Variants in PPFIBP2 observed in about 807,000 individuals in gnomAD.
PPFIBP2 encodes the protein PPFIB scaffold protein 2, also known as liprin-beta-2.
A neutral mutation model predicts 118.3 loss-of-function variants in PPFIBP2; 118 were observed. The ratio of observed to expected loss-of-function variants is 1.00; its 90% CI spans 0.86 to 1.16. The LOEUF (loss-of-function observed/expected upper bound fraction) is 1.16. PPFIBP2 is among the 50% of genes most tolerant of loss of function. The probability of loss-of-function intolerance (pLI) is 0.00; values close to 1 mark genes in which losing one functional copy is unlikely to be tolerated. For missense variants in PPFIBP2, 1,195 were observed against 1,073.1 expected (o/e 1.11, Z -1.59); for synonymous variants, 414 against 397.4 (o/e 1.04, Z -0.50).
At chr11:7,565,360 T>C (rs1462371139) in intron 2 of PPFIBP2, among the ~76,000 whole-genome samples, 193 bp from the exon 3 acceptor site, 3 of 152,202 alleles carry the variant, frequency 2.0e-5, no homozygotes. Flanking sequence ...AGCCTGGAAC[T>C]CCTAGACTCA....
chr11:7,549,609 C>CCTTTT, intron 2 of PPFIBP2, 70 bp downstream of exon 2: 1 of 1,142,968 alleles, frequency 8.7e-7, no homozygotes, highest in Non-Finnish European at 1.2e-6. Context: ...TCTCCTTTTA[C>CCTTTT]TTTTTTTTTT....
intron 7 of PPFIBP2, among the ~76,000 whole-genome samples, chr11:7,623,339 T>C (rs1046142650): frequency 2.0e-5 from 3 of 152,178 alleles, no homozygotes; most frequent in African/African-American, 7.2e-5. Flanking sequence ...CCTGTCTGCA[T>C]AGCTATCTCA....
In PPFIBP2 at chr11:7,607,498, G is replaced by A. The variant is rs1477618688; in HGVS notation, c.487-2793G>A. Reference sequence around the variant, plus strand: ...CAGCCTCCCAAAGTGCTAGGCATGAGCCACTGTGCCCAGGCTGAGCATCAC... The same window carrying A: ...CAGCCTCCCAAAGTGCTAGGCATGAACCACTGTGCCCAGGCTGAGCATCAC... On this transcript the variant is annotated intron_variant, in intron 5 of 23. Transcript: ENST00000299492. Among the ~76,000 whole-genome samples, 9 of 152,268 alleles carry A rather than the reference G, an allele frequency of 5.9e-5. No individual in the cohort carries two copies. The East Asian group carries it at 1.7e-3, about 29-fold the overall frequency.
intron 3 of PPFIBP2, among the ~76,000 whole-genome samples, chr11:7,575,954 C>G (rs1856264988): frequency 6.6e-6 from 1 of 152,180 alleles, no homozygotes. Context: ...GGAATTTACT[C>G]CTCCCCTTAT....
intron 6 of PPFIBP2, among the ~76,000 whole-genome samples, chr11:7,617,472 C>T (rs556513883): frequency 6.6e-6 from 1 of 152,090 alleles, no homozygotes; most frequent in Non-Finnish European, 1.5e-5. Flanking sequence ...GCTCAGTGAC[C>T]CTCACTGAGC....
At chr11:7,644,753 C>T (rs113138096) in intron 17 of PPFIBP2, among the ~76,000 whole-genome samples, 15 of 152,104 alleles carry the variant, frequency 9.9e-5, no homozygotes, top group African/African-American at 2.7e-4. Context: ...TTAGGCCGGG[C>T]GCGGTGGCTC....
chr11:7,635,357 T>A (rs1851317334), intron 13 of PPFIBP2, among the ~76,000 whole-genome samples, 195 bp from the exon 14 acceptor site: 1 of 152,218 alleles, frequency 6.6e-6, no homozygotes, highest in Admixed American at 6.5e-5. Context: ...TGCTGGCAGC[T>A]GCCCAGGACA....
chr11:7,574,448 A>C (rs562495707), intron 3 of PPFIBP2, among the ~76,000 whole-genome samples: 7 of 152,318 alleles, frequency 4.6e-5, no homozygotes, highest in African/African-American at 1.4e-4. Flanking sequence ...CGGCCAATTA[A>C]AAGCTGGGCT....
At chr11:7,622,817 C>T (rs1029560691) in intron 7 of PPFIBP2, among the ~76,000 whole-genome samples, 4 of 152,220 alleles carry the variant, frequency 2.6e-5, no homozygotes, top group African/African-American at 7.2e-5. Flanking sequence ...CAAACAAGCC[C>T]TGTCTTGGGG....
At chr11:7,633,072 A>G in intron 12 of PPFIBP2, 138 bp downstream of exon 12, 1 of 740,126 alleles carries the variant, frequency 1.4e-6, no homozygotes, top group Non-Finnish European at 2.3e-6. Flanking sequence ...TTGTTAGGGC[A>G]GTTACAAACC....
chr11:7,590,624 A>G (rs113033448), intron 3 of PPFIBP2, among the ~76,000 whole-genome samples: 2 of 152,262 alleles, frequency 1.3e-5, no homozygotes, highest in African/African-American at 2.4e-5. Context: ...AACATTTTGT[A>G]AGAAACTCAA....
intron 3 of PPFIBP2, among the ~76,000 whole-genome samples, chr11:7,569,627 C>A (rs2134780188): frequency 6.6e-6 from 1 of 152,264 alleles, no homozygotes; most frequent in South Asian, 2.1e-4. Context: ...CTAAGATGGG[C>A]TGGGACCTGG....
At chr11:7,597,764 T>C in intron 5 of PPFIBP2, 91 bp downstream of exon 5, 1 of 1,063,036 alleles carries the variant, frequency 9.4e-7, no homozygotes, top group South Asian at 1.4e-5. Flanking sequence ...CCTCGCTGTC[T>C]GCTTTCCCAT....
At chr11:7,627,103 C>T (rs1245420508) in intron 8 of PPFIBP2, among the ~76,000 whole-genome samples, 1 of 152,244 alleles carries the variant, frequency 6.6e-6, no homozygotes, top group Non-Finnish European at 1.5e-5. Flanking sequence ...CCTTCCCAGT[C>T]TACCCCTCCT....
intron 6 of PPFIBP2, among the ~76,000 whole-genome samples, chr11:7,618,421 C>T (rs1848938775): frequency 6.6e-6 from 1 of 152,210 alleles, no homozygotes; most frequent in African/African-American, 2.4e-5. Context: ...TTCTGTATAC[C>T]CACAGTGGCA....
chr11:7,592,231 G>A (rs532269982), intron 3 of PPFIBP2, among the ~76,000 whole-genome samples: 1 of 152,168 alleles, frequency 6.6e-6, no homozygotes, highest in Non-Finnish European at 1.5e-5. Flanking sequence ...GAGGAAGGAG[G>A]TGTTGGGGCC....
chr11:7,653,411 G>C lies in PPFIBP2; in HGVS notation c.*193G>C. 1.3e-6 allele frequency: 2 copies of C among 1,494,602 alleles called. No individual in the cohort carries two copies. The highest frequency in any genetic ancestry group is 1.8e-6 in the Non-Finnish European group (2 of 1,125,522). 92.6% of individuals were successfully genotyped at this position (1,494,602 alleles called of 1,614,324 possible). A position where few individuals can be genotyped will look rare whatever the true frequency, so the allele number is the denominator to read the frequency against. On this transcript the variant is annotated 3_prime_UTR_variant, in exon 24 of 24. Transcript: ENST00000299492. ...TGGAGCTGCATCTCTAAGGGGCCAGGCTTTGGGGACCATTGCCAAAGGTGG... is the reference window on the plus strand; with the variant it reads ...TGGAGCTGCATCTCTAAGGGGCCAGCCTTTGGGGACCATTGCCAAAGGTGG...
At chr11:7,614,881 A>T (rs994287342) in intron 6 of PPFIBP2, among the ~76,000 whole-genome samples, 2 of 152,250 alleles carry the variant, frequency 1.3e-5, no homozygotes, top group Admixed American at 6.5e-5. Flanking sequence ...ATTAAAAAAC[A>T]AAGTGAGCTG....
chr11:7,650,725 C>T (rs1055333751), intron 21 of PPFIBP2, 115 bp from the exon 22 acceptor site: 190 of 1,138,928 alleles, frequency 1.7e-4, no homozygotes, highest in Non-Finnish European at 3.2e-5. Flanking sequence ...AGCTTGAGGG[C>T]CTTCTATTGT....
Sources: allele counts gnomAD v4.1 joint callset (sites outside exome capture counted in the v4.1 genomes callset), GRCh38; gene constraint gnomAD v4.1.1; transcripts MANE v1.5; gene names NCBI Gene and HGNC (gene_info 2026-07-23, HGNC 2026-07-21).